Variants in PJA2 observed in about 807,000 individuals in gnomAD.
PJA2 encodes the protein praja ring finger ubiquitin ligase 2, also known as E3 ubiquitin-protein ligase Praja-2.
PJA2 carries 25 observed loss-of-function variants against 69.3 expected under a neutral mutation model. The ratio of observed to expected loss-of-function variants is 0.36; its 90% confidence interval spans 0.26 to 0.50. The LOEUF is 0.50. Ranked by LOEUF, PJA2 falls within the 20% of genes least tolerant of loss-of-function variation. The pLI is 0.96. For synonymous variants in PJA2, 308 were observed against 277.8 expected (o/e 1.11, Z -1.08); for missense variants, 809 against 830.2 (o/e 0.97, Z 0.31).
chr5:109,407,690 T>TTTTGCTATCATGTTTGCTATAGCAAAAG (rs1747721919), intron 1 of PJA2, among the ~76,000 whole-genome samples: 1 of 151,894 alleles, frequency 6.6e-6, no homozygotes, highest in Non-Finnish European at 1.5e-5. Flanking sequence ...AACTCAAAAG[T>TTTTGCTATCATGTTTGCTATAGCAAAAG]TTTGCTATAA....
At position 109,401,500 on chromosome 5, in the gene PJA2, T is replaced by A. The variant is rs574666829; in HGVS notation, c.-88+8342A>T. Among the ~76,000 whole-genome samples, 37 of 152,182 alleles carry A rather than the reference T, an allele frequency of 2.4e-4. No homozygotes were observed. In the South Asian group the frequency reaches 4.8e-3, roughly 20 times the overall value. ...TAAAATAAAATTTAAAAACCACTGA[T>A]AAAACATATTTGATACTGACAGCAG... On this transcript the variant is annotated intron_variant, in intron 1 of 9. Coordinates refer to ENST00000361189, the MANE Select transcript of PJA2 (RefSeq NM_014819.5).
chr5:109,396,983 C>T (rs1194758198), intron 1 of PJA2, among the ~76,000 whole-genome samples: 1 of 152,188 alleles, frequency 6.6e-6, no homozygotes, highest in Non-Finnish European at 1.5e-5. Flanking sequence ...TCTTAATCCA[C>T]ATTGCGGTGG....
intron 9 of PJA2, among the ~76,000 whole-genome samples, chr5:109,340,368 C>T (rs192593617): frequency 6.8e-6 from 1 of 147,822 alleles, no homozygotes; most frequent in Non-Finnish European, 1.5e-5. Context: ...AATAGAGGAA[C>T]AGCAAAGAAA....
At chr5:109,369,767 C>T (rs1438011875) in intron 4 of PJA2, among the ~76,000 whole-genome samples, 4 of 152,164 alleles carry the variant, frequency 2.6e-5, no homozygotes, top group Non-Finnish European at 5.9e-5. Flanking sequence ...CATGGTGGCT[C>T]ACACCTATAA....
At chr5:109,371,393 C>T (rs1311457685) in intron 4 of PJA2, among the ~76,000 whole-genome samples, 1 of 152,192 alleles carries the variant, frequency 6.6e-6, no homozygotes, top group Non-Finnish European at 1.5e-5. Context: ...TTAATGCTAT[C>T]ACCATGCTCT....
At chr5:109,369,230 T>C (rs1762632748) in intron 4 of PJA2, among the ~76,000 whole-genome samples, 1 of 152,208 alleles carries the variant, frequency 6.6e-6, no homozygotes, top group African/African-American at 2.4e-5. Flanking sequence ...GATGAACTAA[T>C]ACACCAGACA....
intron 6 of PJA2, 94 bp from the exon 7 acceptor site, chr5:109,356,120 G>A (rs1041407904): frequency 2.7e-5 from 21 of 792,246 alleles, no homozygotes; most frequent in African/African-American, 5.2e-5. Context: ...CTGACAAGCC[G>A]ATAAACATGC....
At chr5:109,357,204 T>C (rs1762427549) in intron 6 of PJA2, among the ~76,000 whole-genome samples, 2 of 152,104 alleles carry the variant, frequency 1.3e-5, no homozygotes, top group African/African-American at 2.4e-5. Context: ...GTCCAAGAGA[T>C]CCAAAACTGA....
At chr5:109,404,588 T>C (rs1747637689) in intron 1 of PJA2, among the ~76,000 whole-genome samples, 2 of 152,146 alleles carry the variant, frequency 1.3e-5, no homozygotes, top group African/African-American at 4.8e-5. Flanking sequence ...AAAATCAAGG[T>C]GCTGGTAGAT....
Position 109,340,308 on chromosome 5 carries a change from A to G in PJA2, c.2002-2952T>C, listed in dbSNP as rs76659832. On this transcript the variant is annotated intron_variant, in intron 9 of 9. Coordinates refer to ENST00000361189, the MANE Select transcript of PJA2 (RefSeq NM_014819.5). The stretch of plus-strand genomic sequence containing the variant: ...AGAACAGTGAACATTTCTAAACTGG[A>G]TTTCAGAGATTTTAAGTGGAATTTT... Among the ~76,000 whole-genome samples the G allele has an allele frequency of 7.0e-3, 1,064 of 152,258 alleles. 12 individuals carry two copies. Among genetic ancestry groups the G allele is most frequent in the African/African-American group, 0.024 (1,006 of 41,564 alleles).
At chr5:109,409,033 C>G (rs949986344) in intron 1 of PJA2, 1 of 152,054 alleles carries the variant, frequency 6.6e-6, no homozygotes. Flanking sequence ...GGAGAAGGAA[C>G]TCTCAGATTA....
In PJA2 at chr5:109,388,024, T is replaced by G. The variant is rs144714203; in HGVS notation, c.-87-4504A>C. The stretch of plus-strand genomic sequence containing the variant: ...TTCAAACTTCATTTAGGCAAGTTAA[T>G]AAACTGCTCTCAGTATTAGAGCCCT... On this transcript the variant is annotated intron_variant, in intron 1 of 9. Coordinates refer to ENST00000361189, the MANE Select transcript of PJA2 (RefSeq NM_014819.5). Among the ~76,000 whole-genome samples the G allele has an allele frequency of 4.6e-5, 7 of 152,370 alleles. No individual in the cohort carries two copies. The East Asian group carries it at 1.2e-3, about 25-fold the overall frequency.
chr5:109,355,234 GC>G (rs1431640847), intron 7 of PJA2, among the ~76,000 whole-genome samples: 1 of 152,114 alleles, frequency 6.6e-6, no homozygotes, highest in African/African-American at 2.4e-5. Flanking sequence ...CTCACCTGTG[GC>G]TCATTCACCA....
intron 9 of PJA2, among the ~76,000 whole-genome samples, chr5:109,337,736 A>C (rs930682066): frequency 5.9e-5 from 9 of 152,062 alleles, no homozygotes; most frequent in Non-Finnish European, 5.9e-5. Context: ...CTGAATTATC[A>C]TTATTTAGTC....
intron 7 of PJA2, among the ~76,000 whole-genome samples, chr5:109,345,983 A>G (rs546600847): frequency 3.9e-5 from 6 of 152,156 alleles, no homozygotes; most frequent in South Asian, 2.1e-4. Context: ...AACCTGTACA[A>G]TTACTTGCTC....
intron 1 of PJA2, among the ~76,000 whole-genome samples, chr5:109,400,851 C>G (rs970567766): frequency 6.6e-6 from 1 of 151,936 alleles, no homozygotes; most frequent in Non-Finnish European, 1.5e-5. Context: ...GGCATGGTTG[C>G]GGGTGCCTGT....
chr5:109,409,817 G>GAAA (rs57525773), intron 1 of PJA2, 25 bp downstream of exon 1: 4 of 112,568 alleles, frequency 3.6e-5, no homozygotes, highest in South Asian at 5.2e-4. Flanking sequence ...AAGCCAGACT[G>GAAA]AAAAAAAAAA....
intron 1 of PJA2, among the ~76,000 whole-genome samples, chr5:109,387,104 T>G (rs1215589573): frequency 1.3e-5 from 2 of 152,196 alleles, no homozygotes; most frequent in South Asian, 4.1e-4. Context: ...ACTGGGAGAT[T>G]TCACTCATTT....
At chr5:109,400,173 C>T (rs1747507551) in intron 1 of PJA2, among the ~76,000 whole-genome samples, 1 of 151,768 alleles carries the variant, frequency 6.6e-6, no homozygotes, top group Non-Finnish European at 1.5e-5. Context: ...GCCCATAATT[C>T]CAGCTACTCA....
Sources: gnomAD v4.1 joint callset for allele counts (sites outside exome capture counted in the v4.1 genomes callset) on GRCh38, gnomAD v4.1.1 for gene constraint, MANE v1.5 for transcripts, NCBI Gene and HGNC (gene_info 2026-07-23, HGNC 2026-07-21) for gene names.